Variants in REDIC1 observed in about 807,000 individuals in gnomAD.
REDIC1 encodes HEI10 Interacting Protein 1.
the REDIC1 span, chr12:39,684,173 G>A: frequency 5.8e-6 from 6 of 1,032,394 alleles, no homozygotes; most frequent in Non-Finnish European, 7.1e-6. Flanking sequence ...CATCCATTAT[G>A]TGTTGATGTT....
At chr12:39,858,824 T>C in the REDIC1 span, among the ~76,000 whole-genome samples, 1 of 152,188 alleles carries the variant, frequency 6.6e-6, no homozygotes, top group Non-Finnish European at 1.5e-5. Flanking sequence ...GCCAGACTGG[T>C]CTCGAACTCC....
chr12:39,885,776 T>G, the REDIC1 span, among the ~76,000 whole-genome samples: 1 of 152,206 alleles, frequency 6.6e-6, no homozygotes, highest in Admixed American at 6.5e-5. Flanking sequence ...TAGTTTGAAT[T>G]AGAATCATCT....
the REDIC1 span, among the ~76,000 whole-genome samples, chr12:39,849,419 C>T: frequency 1.3e-5 from 2 of 152,120 alleles, no homozygotes. Context: ...TGGCTGACCC[C>T]TGCCTCTTAT....
At chr12:39,663,450 T>C in the REDIC1 span, among the ~76,000 whole-genome samples, 62 of 152,156 alleles carry the variant, frequency 4.1e-4, no homozygotes, top group African/African-American at 1.4e-3. Context: ...TACATCCCTT[T>C]ACTTTCAGTC....
chr12:39,749,731 G>A, the REDIC1 span, among the ~76,000 whole-genome samples: 2 of 152,176 alleles, frequency 1.3e-5, no homozygotes, highest in African/African-American at 4.8e-5. Context: ...GATCAAGTGG[G>A]CTTCATCCCT....
chr12:39,796,052 C>A, the REDIC1 span, among the ~76,000 whole-genome samples: 2 of 152,142 alleles, frequency 1.3e-5, no homozygotes, highest in African/African-American at 2.4e-5. Context: ...TCTTCTCCCC[C>A]CAGCCTCTGG....
the REDIC1 span, among the ~76,000 whole-genome samples, chr12:39,864,405 A>G: frequency 6.6e-6 from 1 of 152,232 alleles, no homozygotes; most frequent in African/African-American, 2.4e-5. Flanking sequence ...ATTACTGATT[A>G]AAGTTATTTA....
chr12:39,672,423 C>T, the REDIC1 span, among the ~76,000 whole-genome samples: 1 of 152,062 alleles, frequency 6.6e-6, no homozygotes, highest in African/African-American at 2.4e-5. Context: ...TAGGGGGAGG[C>T]AGTTTCTATC....
chr12:39,714,163 ATG>A, the REDIC1 span, among the ~76,000 whole-genome samples: 8 of 146,892 alleles, frequency 5.4e-5, no homozygotes, highest in Non-Finnish European at 7.6e-5. Flanking sequence ...ACATGCATAT[ATG>A]CGTATATGTA....
the REDIC1 span, among the ~76,000 whole-genome samples, chr12:39,641,780 T>A: frequency 6.6e-6 from 1 of 151,672 alleles, no homozygotes; most frequent in Non-Finnish European, 1.5e-5. Context: ...GTAGTAAAAT[T>A]TCAATAAAAA....
At chr12:39,872,289 CATA>C in the REDIC1 span, among the ~76,000 whole-genome samples, 2 of 152,244 alleles carry the variant, frequency 1.3e-5, no homozygotes, top group East Asian at 3.9e-4. Context: ...TAATTGGCCA[CATA>C]ATAAGGTTAT....
the REDIC1 span, among the ~76,000 whole-genome samples, chr12:39,773,929 T>A: frequency 6.6e-6 from 1 of 152,214 alleles, no homozygotes; most frequent in East Asian, 1.9e-4. Context: ...TGCACAAGCT[T>A]GCTAATTCAT....
the REDIC1 span, among the ~76,000 whole-genome samples, chr12:39,653,492 G>GTCTTCTTCT: frequency 3.6e-3 from 197 of 54,314 alleles, 3 homozygotes; most frequent in South Asian, 5.1e-3. Context: ...CAATCTGGAT[G>GTCTTCTTCT]TCTTCTTCTT....
the REDIC1 span, among the ~76,000 whole-genome samples, chr12:39,753,495 A>G: frequency 5.9e-5 from 9 of 152,204 alleles, no homozygotes; most frequent in African/African-American, 1.9e-4. Flanking sequence ...ACTGCCATTC[A>G]GGAGGACACA....
the REDIC1 span, among the ~76,000 whole-genome samples, chr12:39,694,395 A>T: frequency 6.6e-6 from 1 of 150,594 alleles, no homozygotes; most frequent in Admixed American, 6.7e-5. Context: ...ATTCCCTGGG[A>T]GTGGCGACAT....
chr12:39,836,596 T>C, the REDIC1 span, among the ~76,000 whole-genome samples: 7 of 149,028 alleles, frequency 4.7e-5, no homozygotes, highest in East Asian at 2.0e-4. Flanking sequence ...AACCCCATTG[T>C]CTCAGCCCAA....
At chr12:39,794,149 A>C in the REDIC1 span, among the ~76,000 whole-genome samples, 8 of 126,012 alleles carry the variant, frequency 6.3e-5, no homozygotes, top group Admixed American at 2.4e-4. Context: ...AAAAAAAAAA[A>C]CCAAAACAAA....
the REDIC1 span, among the ~76,000 whole-genome samples, chr12:39,661,200 A>G: frequency 6.6e-6 from 1 of 152,024 alleles, no homozygotes; most frequent in Non-Finnish European, 1.5e-5. Flanking sequence ...TCATACTGCC[A>G]TTCTACTTTT....
the REDIC1 span, among the ~76,000 whole-genome samples, chr12:39,816,362 T>C: frequency 1.5e-5 from 2 of 137,284 alleles, no homozygotes; most frequent in African/African-American, 5.5e-5. Flanking sequence ...TTCTCACTCA[T>C]AGGTGGGAAT....
Sources: gnomAD v4.1 joint callset for allele counts (sites outside exome capture counted in the v4.1 genomes callset) on GRCh38, gnomAD v4.1.1 for gene constraint, MANE v1.5 for transcripts, NCBI Gene and HGNC (gene_info 2026-07-23, HGNC 2026-07-21) for gene names.